Variants in CACNA1B observed in about 807,000 individuals in gnomAD.
CACNA1B encodes the protein calcium voltage-gated channel subunit alpha1 B.
A neutral mutation model predicts 247.2 loss-of-function variants in CACNA1B; 70 were observed. The observed-to-expected ratio is 0.28, with a 90% confidence interval of 0.23 to 0.35. CACNA1B has a LOEUF of 0.35. Ranked by LOEUF, CACNA1B falls within the 10% of genes least tolerant of loss-of-function variation. The probability of loss-of-function intolerance (pLI) is 1.00; values close to 1 mark genes in which losing one functional copy is unlikely to be tolerated. For missense variants in CACNA1B, 2,367 were observed against 3,197.4 expected (o/e 0.74, Z 6.26); for synonymous variants, 1,231 against 1,294.4 (o/e 0.95, Z 1.05).
In CACNA1B at chr9:137,902,949, C is replaced by G. The variant is rs7045802; in HGVS notation, c.531-10231C>G. Among the ~76,000 whole-genome samples, 1,279 of 152,344 alleles carry G rather than the reference C, an allele frequency of 8.4e-3. 19 individuals carry two copies. Among genetic ancestry groups the G allele is most frequent in the African/African-American group, 0.029 (1,220 of 41,582 alleles). On this transcript the variant is annotated intron_variant, in intron 3 of 46. Coordinates refer to ENST00000371372, the MANE Select transcript of CACNA1B (RefSeq NM_000718.4). Reference sequence around the variant, plus strand: ...TTGTGGGCAGAACTCTGTCAGATTCCTCTTGTCAAGCATTTGGGTTATTTC... The same window carrying G: ...TTGTGGGCAGAACTCTGTCAGATTCGTCTTGTCAAGCATTTGGGTTATTTC...
At position 138,014,811 on chromosome 9, in the gene CACNA1B, C is replaced by T; in HGVS notation, c.2267+1576C>T. Among the ~76,000 whole-genome samples, 1 of 151,946 alleles carries T rather than the reference C, an allele frequency of 6.6e-6. No individual in the cohort carries two copies. Among genetic ancestry groups the T allele is most frequent in the East Asian group, 1.9e-4 (1 of 5,148 alleles). ...TCCTCCTGGGGGTATGGGAGGGTGTCCACTCCCATCTGGCCTGAGACCTTG... is the reference window on the plus strand; with the variant it reads ...TCCTCCTGGGGGTATGGGAGGGTGTTCACTCCCATCTGGCCTGAGACCTTG... On this transcript the variant is annotated intron_variant, in intron 18 of 46. Transcript: ENST00000371372. The surrounding 1 kb of genome is among the most constrained non-coding windows in gnomAD (Gnocchi z 6.2).
chr9:138,083,395 G>A (rs1960591243), intron 36 of CACNA1B, among the ~76,000 whole-genome samples: 1 of 150,984 alleles, frequency 6.6e-6, no homozygotes, highest in Admixed American at 6.6e-5. Flanking sequence ...ATGCCCATAG[G>A]CCAGAGCTGA....
chr9:137,890,531 C>G (rs1389381019), intron 3 of CACNA1B: 1 of 150,422 alleles, frequency 6.6e-6, no homozygotes, highest in Non-Finnish European at 1.5e-5. Context: ...CCCTTCCCCC[C>G]AGGGTGCGTG....
At chr9:137,980,933 C>T (rs943347200) in intron 12 of CACNA1B, among the ~76,000 whole-genome samples, 3 of 152,004 alleles carry the variant, frequency 2.0e-5, no homozygotes, top group Admixed American at 6.6e-5. Context: ...GATTTGTGTC[C>T]CTGCTGTTGT....
At chr9:137,905,856 G>A (rs1165235441) in intron 3 of CACNA1B, among the ~76,000 whole-genome samples, 1 of 152,220 alleles carries the variant, frequency 6.6e-6, no homozygotes, top group Non-Finnish European at 1.5e-5. Context: ...CCCGACAAGT[G>A]AATGGAGGTG....
In CACNA1B at chr9:138,121,658, C is replaced by T. The variant is rs375535768; in HGVS notation, c.6679C>T (p.Arg2227Trp). Residue 2227 changes from arginine to tryptophan, a missense_variant, in exon 47 of 47, where the codon CGG becomes TGG. Transcript: ENST00000371372. The surrounding 1 kb of genome is among the most constrained non-coding windows in gnomAD (Gnocchi z 6.8). ...QTSLPAFSPG[R>W]LSRGLSEHNA... ...CAGCCTCCCTGCCTTCTCCCCAGGCCGGCTCAGCCGTGGGCTTTCCGAACA... is the reference window on the plus strand; with the variant it reads ...CAGCCTCCCTGCCTTCTCCCCAGGCTGGCTCAGCCGTGGGCTTTCCGAACA... The T allele has an allele frequency of 1.9e-6, 3 of 1,612,926 alleles. No homozygotes were observed. In the Admixed American group the frequency reaches 5.0e-5, roughly 27 times the overall value.
rs1958413796 is a variant in CACNA1B, at chr9:137,990,018, C to T, written c.1974+3164C>T. Among the ~76,000 whole-genome samples, 1 of 152,136 alleles carries T rather than the reference C, an allele frequency of 6.6e-6. No individual in the cohort carries two copies. Among genetic ancestry groups the T allele is most frequent in the South Asian group, 2.1e-4 (1 of 4,820 alleles). On this transcript the variant is annotated intron_variant, in intron 15 of 46. Coordinates refer to ENST00000371372, the MANE Select transcript of CACNA1B (RefSeq NM_000718.4). The surrounding 1 kb of genome is among the most constrained non-coding windows in gnomAD (Gnocchi z 4.5). ...GAGACTCACATCATGAACTTTTGCTCCAAGAACTACCACGGGAAGTTCTTG... is the reference window on the plus strand; with the variant it reads ...GAGACTCACATCATGAACTTTTGCTTCAAGAACTACCACGGGAAGTTCTTG...
Position 137,881,018 on chromosome 9 carries a change from C to G in CACNA1B, c.391-1726C>G, listed in dbSNP as rs1156569218. Among the ~76,000 whole-genome samples the G allele has an allele frequency of 6.6e-6, 1 of 152,216 alleles. No homozygotes were observed. Among genetic ancestry groups the G allele is most frequent in the Non-Finnish European group, 1.5e-5 (1 of 68,026 alleles). ...GCCTTCAGCCATGGGCTGGGCAGGG[C>G]AGAGCTGTGAGGAGAGGGCTCGGGC... On this transcript the variant is annotated intron_variant, in intron 2 of 46. Transcript: ENST00000371372. The surrounding 1 kb of genome is among the most constrained non-coding windows in gnomAD (Gnocchi z 4.3).
At chr9:138,116,366 C>T (rs1961867482) in intron 42 of CACNA1B, among the ~76,000 whole-genome samples, 2 of 152,222 alleles carry the variant, frequency 1.3e-5, no homozygotes, top group South Asian at 4.1e-4. Flanking sequence ...AAGCAGGTGA[C>T]TTACAAGAAC....
At position 137,999,702 on chromosome 9, in the gene CACNA1B, C is replaced by G. The variant is rs528055185; in HGVS notation, c.1975-7065C>G. ...TTTCTATTTTTTGTAGAGACGTGGTCTCACAATGTTGCCCAGGCTGGTCTC... is the reference window on the plus strand; with the variant it reads ...TTTCTATTTTTTGTAGAGACGTGGTGTCACAATGTTGCCCAGGCTGGTCTC... On this transcript the variant is annotated intron_variant, in intron 15 of 46. Transcript: ENST00000371372. 4.0e-5 allele frequency among the ~76,000 whole-genome samples: 6 copies of G among 151,844 alleles called. No homozygotes were observed. The East Asian group carries it at 1.2e-3, about 29-fold the overall frequency.
rs772596076 is a variant in CACNA1B, at chr9:138,007,689, G to A, written c.2092+805G>A. On this transcript the variant is annotated intron_variant, in intron 16 of 46. Coordinates refer to ENST00000371372, the MANE Select transcript of CACNA1B (RefSeq NM_000718.4). This position sits in a 1 kb window ranked among gnomAD's most constrained non-coding sequence, Gnocchi z 4.1. Reference sequence around the variant, plus strand: ...GGGCCTGAGAATGTGCATTCTCACAGGCTGCAGGGGGAGCCCGTGTTTCTG... The same window carrying A: ...GGGCCTGAGAATGTGCATTCTCACAAGCTGCAGGGGGAGCCCGTGTTTCTG... Among the ~76,000 whole-genome samples the A allele has an allele frequency of 2.1e-4, 32 of 152,162 alleles. No individual in the cohort carries two copies. The highest frequency in any genetic ancestry group is 3.4e-4 in the Non-Finnish European group (23 of 68,020).
chr9:138,074,167 A>T, intron 34 of CACNA1B, 101 bp downstream of exon 34: 1 of 854,646 alleles, frequency 1.2e-6, no homozygotes, highest in Non-Finnish European at 2.0e-6. Context: ...TAATCAGTTG[A>T]TCCTTAGTGA....
intron 36 of CACNA1B, among the ~76,000 whole-genome samples, chr9:138,082,217 T>A (rs931614773): frequency 6.6e-6 from 1 of 151,240 alleles, no homozygotes; most frequent in African/African-American, 2.4e-5. Context: ...CTCAAGGAAT[T>A]GGAGAAAATA....
chr9:137,920,813 A>C (rs1004725985), intron 6 of CACNA1B, among the ~76,000 whole-genome samples: 1 of 152,208 alleles, frequency 6.6e-6, no homozygotes, highest in African/African-American at 2.4e-5. Context: ...GATGTGAGAG[A>C]AGGAGAAGTC....
chr9:137,986,416 C>T lies in CACNA1B; in HGVS notation c.1773C>T (p.Tyr591=), dbSNP rs199517834. ...RLLRIFKVTK[Y]WSSLRNLVVS... is the part of the protein sequence containing the mutation. Reference sequence around the variant, plus strand: ...GACCCCCTGCCTGGCCCCGCAGGTACTGGAGCTCCCTGCGGAACCTGGTGG... The same window carrying T: ...GACCCCCTGCCTGGCCCCGCAGGTATTGGAGCTCCCTGCGGAACCTGGTGG... Residue 591 remains tyrosine (Y), a synonymous_variant, in exon 14 of 47, where the codon TAC becomes TAT. Coordinates refer to ENST00000371372, the MANE Select transcript of CACNA1B (RefSeq NM_000718.4). This position sits in a 1 kb window ranked among gnomAD's most constrained non-coding sequence, Gnocchi z 6.0. 4 of 1,613,620 alleles carry T rather than the reference C, an allele frequency of 2.5e-6. No homozygotes were observed. Among genetic ancestry groups the T allele is most frequent in the African/African-American group, 1.3e-5 (1 of 74,934 alleles).
In CACNA1B at chr9:138,075,862, G is replaced by T; in HGVS notation, c.4901G>T (p.Arg1634Leu). The change falls in exon 35 of 47, where the codon CGC (arginine) becomes CTC (leucine). Residue 1634 changes from arginine to leucine, a missense_variant. Around this residue, in one of 12 missense-constraint regions of CACNA1B, gnomAD observed 436 missense variants for 679.5 expected, o/e 0.64. Transcript: ENST00000371372. The stretch of plus-strand genomic sequence containing the variant: ...CTGGATGATGACACCAGCATCAACC[G>T]CCACAACAACTTCCGGACGTTTTTG... ...IALDDDTSIN[R>L]HNNFRTFLQA... The T allele has an allele frequency of 1.2e-6, 2 of 1,612,472 alleles. No individual in the cohort carries two copies. Among genetic ancestry groups the T allele is most frequent in the Non-Finnish European group, 1.7e-6 (2 of 1,179,092 alleles).
intron 31 of CACNA1B, among the ~76,000 whole-genome samples, chr9:138,064,296 A>G (rs1416729419): frequency 6.6e-6 from 1 of 152,090 alleles, no homozygotes; most frequent in Non-Finnish European, 1.5e-5. Flanking sequence ...AACGAGCCCG[A>G]TCTCCTTGGG....
Position 137,948,907 on chromosome 9 carries a change from G to A in CACNA1B, c.967-3367G>A, listed in dbSNP as rs111163492. 8.3e-3 allele frequency among the ~76,000 whole-genome samples: 1,234 copies of A among 148,000 alleles called. 6 individuals are homozygous for A. The highest frequency in any genetic ancestry group is 0.013 in the South Asian group (60 of 4,566). ...TGTGTGTCTGATGTGTGTGGTGTGC[G>A]TGTGTTTGTGGTGTCTCTGTGGTGT... On this transcript the variant is annotated intron_variant, in intron 6 of 46. Transcript: ENST00000371372.
intron 20 of CACNA1B, among the ~76,000 whole-genome samples, chr9:138,027,493 T>C (rs1958935927): frequency 6.6e-6 from 1 of 152,226 alleles, no homozygotes; most frequent in African/African-American, 2.4e-5. Flanking sequence ...CTGATTTCAC[T>C]ATCAGATAAC....
Sources: allele counts gnomAD v4.1 joint callset (sites outside exome capture counted in the v4.1 genomes callset), GRCh38; gene constraint gnomAD v4.1.1; regional missense constraint gnomAD v4.1.1; non-coding constraint Gnocchi (gnomAD v3.1); transcripts MANE v1.5; gene names NCBI Gene and HGNC (gene_info 2026-07-23, HGNC 2026-07-21).